The following HYOU1 variants were observed in gnomAD, a reference collection of about 807,000 sequenced individuals.
HYOU1 encodes the protein hypoxia up-regulated 1, also known as hypoxia up-regulated protein 1.
A neutral mutation model predicts 120.5 loss-of-function variants in HYOU1; 40 were observed. The ratio of observed to expected loss-of-function variants is 0.33; its 90% CI spans 0.26 to 0.43. HYOU1 has a LOEUF of 0.43. Ranked by LOEUF, HYOU1 falls within the 20% of genes least tolerant of loss-of-function variation. HYOU1 has a pLI of 1.00. For synonymous variants in HYOU1, 501 were observed against 479.4 expected, an observed-to-expected ratio of 1.05 and a Z score of -0.59; for missense variants, 1,085 against 1,278.3, an observed-to-expected ratio of 0.85 and a Z score of 2.31.
In HYOU1 at chr11:119,052,055, A is replaced by G; in HGVS notation, c.1205+35T>C. On this transcript the variant is annotated intron_variant, in intron 11 of 25. Transcript: ENST00000617285. The surrounding 1 kb of genome is among the most constrained non-coding windows in gnomAD (Gnocchi z 5.0). ...CTCAGCCCAAAGCCCTGCCCCAGGC[A>G]GAACTCAGCCAAGCGCTCTAGCCCC... The G allele has an allele frequency of 6.2e-7, 1 of 1,614,026 alleles. No homozygotes were observed. Among genetic ancestry groups the G allele is most frequent in the Admixed American group, 1.7e-5 (1 of 60,022 alleles).
Position 119,055,638 on chromosome 11 carries a change from C to T in HYOU1, c.186-67G>A, listed in dbSNP as rs1944709585. 2.0e-6 allele frequency: 3 copies of T among 1,504,530 alleles called. No homozygotes were observed. Among genetic ancestry groups the T allele is most frequent in the South Asian group, 1.1e-5 (1 of 88,822 alleles). The allele number at this position is 1,504,530 out of a possible 1,614,324, so 93.2% of individuals were successfully genotyped here. On this transcript the variant is annotated intron_variant, in intron 3 of 25. Coordinates refer to ENST00000617285, the MANE Select transcript of HYOU1 (RefSeq NM_006389.5). The surrounding 1 kb of genome is among the most constrained non-coding windows in gnomAD (Gnocchi z 4.0). ...GGACTCAGAAGCCTCGACACTCACACACATTTAACCACTCAGATGCCGAAG... is the reference window on the plus strand; with the variant it reads ...GGACTCAGAAGCCTCGACACTCACATACATTTAACCACTCAGATGCCGAAG...
At chr11:119,053,074 T>G (rs2098946502) in intron 8 of HYOU1, 2 of 436,982 alleles carry the variant, frequency 4.6e-6, no homozygotes, top group Non-Finnish European at 4.0e-6. Context: ...TGTACTTCCC[T>G]CTGGGAATAC....
At chr11:119,054,357 A>G in intron 7 of HYOU1, 121 bp from the exon 8 acceptor site, 1 of 1,177,266 alleles carries the variant, frequency 8.5e-7, no homozygotes, top group Non-Finnish European at 1.2e-6. Context: ...CAGCTCCAAC[A>G]GGGGCTGGGA....
Position 119,048,227 on chromosome 11 carries a change from A to G in HYOU1, c.2376+21T>C, listed in dbSNP as rs2133561987. 6.2e-7 allele frequency: 1 copy of G among 1,609,578 alleles called. No individual in the cohort carries two copies. The highest frequency in any genetic ancestry group is 8.5e-7 in the Non-Finnish European group (1 of 1,179,048). On this transcript the variant is annotated intron_variant, in intron 20 of 25. Transcript: ENST00000617285. The surrounding 1 kb of genome is among the most constrained non-coding windows in gnomAD (Gnocchi z 4.7). ...AAGGAGAGCTCCCACTCCACCTGCC[A>G]TGTCCTGAGAGGCCCCTCACCACTG...
In HYOU1 at chr11:119,048,559, G is replaced by C; in HGVS notation, c.2170C>G (p.Gln724Glu). Residue 724 changes from glutamine (Q) to glutamate (E), a missense_variant, in exon 19 of 26, where the codon CAG becomes GAG. Physicochemically the swap from Gln to Glu is conservative, Grantham distance 29 (BLOSUM62 2). Transcript: ENST00000617285. The surrounding 1 kb of genome is among the most constrained non-coding windows in gnomAD (Gnocchi z 4.7). ...TCCAGGTCTCGGAGTGTCAAGTCCTGAAGTCTATGGGACAAAGGAGGGGTA... is the reference window on the plus strand; with the variant it reads ...TCCAGGTCTCGGAGTGTCAAGTCCTCAAGTCTATGGGACAAAGGAGGGGTA... ...DKLAQSVQKLQDLTLRDLEKQ... is the reference protein window; with the variant it reads ...DKLAQSVQKLEDLTLRDLEKQ... 1 of 1,613,942 alleles carries C rather than the reference G, an allele frequency of 6.2e-7. No homozygotes were observed. Among genetic ancestry groups the C allele is most frequent in the Non-Finnish European group, 8.5e-7 (1 of 1,179,946 alleles).
rs1334217842 is a variant in HYOU1, at chr11:119,052,426, C to T, written c.991G>A (p.Glu331Lys). ...SANADHMAQI[E>K]GLMDDVDFKA... ...AAGTCCACATCATCCATCAGGCCTT[C>T]AATCTGGGAGAGGATGGGGACTGTC... The change falls in exon 10 of 26, where the codon GAA becomes AAA. Residue 331 changes from glutamate (E) to lysine (K), a missense_variant. Glu to Lys is a moderately conservative substitution (Grantham distance 56). This residue lies in a region of HYOU1 where 515 missense variants were observed against 677.8 expected (regional missense o/e 0.76). Transcript: ENST00000617285. This position sits in a 1 kb window ranked among gnomAD's most constrained non-coding sequence, Gnocchi z 5.0. The T allele has an allele frequency of 6.2e-7, 1 of 1,614,086 alleles. No individual in the cohort carries two copies. Among genetic ancestry groups the T allele is most frequent in the Non-Finnish European group, 8.5e-7 (1 of 1,180,038 alleles).
chr11:119,051,267 A>T lies in HYOU1; in HGVS notation c.1527-94T>A. 6.4e-7 allele frequency: 1 copy of T among 1,555,844 alleles called. No individual in the cohort carries two copies. Among genetic ancestry groups the T allele is most frequent in the Non-Finnish European group, 8.8e-7 (1 of 1,138,782 alleles). On this transcript the variant is annotated intron_variant, in intron 13 of 25. Transcript: ENST00000617285. This position sits in a 1 kb window ranked among gnomAD's most constrained non-coding sequence, Gnocchi z 4.2. The stretch of plus-strand genomic sequence containing the variant: ...CCTCCTGGCACAAGGTGTCAGGGGC[A>T]CTCCCCAAGGGCACACTCAAGAGGA...
In HYOU1 at chr11:119,052,877, C is replaced by T. The variant is rs2133596474; in HGVS notation, c.795-48G>A. ...AAAAAAGTGAAGAACACATGGAGTC[C>T]CCGCATCTGCACAGGAGCCTCTCAT... On this transcript the variant is annotated intron_variant, in intron 8 of 25. Coordinates refer to ENST00000617285, the MANE Select transcript of HYOU1 (RefSeq NM_006389.5). The surrounding 1 kb of genome is among the most constrained non-coding windows in gnomAD (Gnocchi z 5.0). The T allele has an allele frequency of 6.5e-7, 1 of 1,538,224 alleles. No individual in the cohort carries two copies. The highest frequency in any genetic ancestry group is 8.8e-7 in the Non-Finnish European group (1 of 1,131,952).
Position 119,045,377 on chromosome 11 carries a change from GGGA to G in HYOU1, c.*213_*215del, listed in dbSNP as rs764193384. The G allele has an allele frequency of 4.1e-5, 28 of 690,974 alleles. No homozygotes were observed. Among genetic ancestry groups the G allele is most frequent in the South Asian group, 2.3e-4 (15 of 66,274 alleles). 42.8% of individuals were successfully genotyped at this position (690,974 alleles called of 1,614,324 possible). ...GGGTAGGGAACAGGGAGTGGGGCTGGGGAGGAGAACAGTTTCCATTTTTAACCA... is the reference window on the plus strand; with the variant it reads ...GGGTAGGGAACAGGGAGTGGGGCTGGGGAGAACAGTTTCCATTTTTAACCA... On this transcript the variant is annotated 3_prime_UTR_variant, in exon 26 of 26. Coordinates refer to ENST00000617285, the MANE Select transcript of HYOU1 (RefSeq NM_006389.5).
rs2133565409 is a variant in HYOU1 at position 119,048,559 on chromosome 11, G to T, written c.2170C>A (p.Gln724Lys). ...TCCAGGTCTCGGAGTGTCAAGTCCT[G>T]AAGTCTATGGGACAAAGGAGGGGTA... ...DKLAQSVQKL[Q>K]DLTLRDLEKQ... The change falls in exon 19 of 26, where the codon CAG becomes AAG. Residue 724 changes from glutamine to lysine, a missense_variant. By Grantham distance (53) the Gln-to-Lys change is moderately conservative. Around this residue, in one of 4 missense-constraint regions of HYOU1, gnomAD observed 516 missense variants for 517.1 expected, o/e 1.00. Coordinates refer to ENST00000617285, the MANE Select transcript of HYOU1 (RefSeq NM_006389.5). The surrounding 1 kb of genome is among the most constrained non-coding windows in gnomAD (Gnocchi z 4.7). 1 of 1,613,942 alleles carries T rather than the reference G, an allele frequency of 6.2e-7. No homozygotes were observed. The highest frequency in any genetic ancestry group is 8.5e-7 in the Non-Finnish European group (1 of 1,179,946).
At chr11:119,056,704 G>T in intron 1 of HYOU1, 1 of 268,544 alleles carries the variant, frequency 3.7e-6, no homozygotes, top group Admixed American at 4.9e-5. Flanking sequence ...CCCTTTCCCA[G>T]CTCACTCCCC....
In HYOU1 at chr11:119,046,594, C is replaced by T. The variant is rs2133551269; in HGVS notation, c.2804G>A (p.Ser935Asn). Residue 935 changes from serine (S) to asparagine (N), a missense_variant, in exon 23 of 26, where the codon AGT (serine) becomes AAT (asparagine). Ser to Asn is a conservative substitution (Grantham distance 46). Coordinates refer to ENST00000617285, the MANE Select transcript of HYOU1 (RefSeq NM_006389.5). Reference sequence around the variant, plus strand: ...AGGGATGACCTTCTCCCCCTGGTCACTGGCACTGGCATTGAGGGGTGGCTC... The same window carrying T: ...AGGGATGACCTTCTCCCCCTGGTCATTGGCACTGGCATTGAGGGGTGGCTC... ...RAEPPLNASA[S>N]DQGEKVIPPA... is the part of the protein sequence containing the mutation. 1 of 1,613,938 alleles carries T rather than the reference C, an allele frequency of 6.2e-7. No individual in the cohort carries two copies. Among genetic ancestry groups the T allele is most frequent in the East Asian group, 2.2e-5 (1 of 44,882 alleles).
In HYOU1 at chr11:119,054,683, T is replaced by C. The variant is rs2133607183; in HGVS notation, c.497-8A>G. On this transcript the variant is annotated splice_polypyrimidine_tract_variant and splice_region_variant and intron_variant, in intron 6 of 25. Transcript: ENST00000617285. ...CATCCTTGATGGGCTGCTCTACAGA[T>C]GACAACAGAAAAGGGTCCCGCCGGC... 1.9e-6 allele frequency: 3 copies of C among 1,608,874 alleles called. No homozygotes were observed. The highest frequency in any genetic ancestry group is 2.5e-6 in the Non-Finnish European group (3 of 1,178,700).
Position 119,055,659 on chromosome 11 carries a change from CGAAGTCT to C in HYOU1, c.185+84_186-89del. 6.7e-7 allele frequency: 1 copy of C among 1,498,222 alleles called. No individual in the cohort carries two copies. Among genetic ancestry groups the C allele is most frequent in the African/African-American group, 1.4e-5 (1 of 72,626 alleles). The allele number at this position is 1,498,222 out of a possible 1,614,324, so 92.8% of individuals were successfully genotyped here. A position where few individuals can be genotyped will look rare whatever the true frequency, so the allele number is the denominator to read the frequency against. ...CACACACATTTAACCACTCAGATGCCGAAGTCTGCTGTGGGCACTATGACTAACACAT... is the reference window on the plus strand; with the variant it reads ...CACACACATTTAACCACTCAGATGCCGCTGTGGGCACTATGACTAACACAT... On this transcript the variant is annotated intron_variant, in intron 3 of 25. Transcript: ENST00000617285. This position sits in a 1 kb window ranked among gnomAD's most constrained non-coding sequence, Gnocchi z 4.0.
rs1249384150 is a variant in HYOU1, at chr11:119,051,517, T to A, written c.1447A>T (p.Thr483Ser). The change falls in exon 13 of 26, where the codon ACC becomes TCC. Residue 483 changes from threonine (T) to serine (S), a missense_variant. Physicochemically the swap from Thr to Ser is moderately conservative, Grantham distance 58. Coordinates refer to ENST00000617285, the MANE Select transcript of HYOU1 (RefSeq NM_006389.5). This position sits in a 1 kb window ranked among gnomAD's most constrained non-coding sequence, Gnocchi z 4.2. ...AAATCATGGCTGTAGCGGTTAAAGG[T>A]GATGACTTTGCGTTGAGGGTAGGGC... ...MGPYPQRKVI[T>S]FNRYSHDFNF... 3.7e-6 allele frequency: 6 copies of A among 1,613,940 alleles called. No homozygotes were observed. Among genetic ancestry groups the A allele is most frequent in the Non-Finnish European group, 5.1e-6 (6 of 1,179,982 alleles).
chr11:119,051,933 G>T lies in HYOU1; in HGVS notation c.1224C>A (p.Asn408Lys). Residue 408 changes from asparagine (N) to lysine (K), a missense_variant, in exon 12 of 26, where the codon AAC (asparagine) becomes AAA (lysine). By Grantham distance (94) the Asn-to-Lys change is moderately conservative (BLOSUM62 0). This residue lies in a region of HYOU1 where 515 missense variants were observed against 677.8 expected (regional missense o/e 0.76). Transcript: ENST00000617285. The surrounding 1 kb of genome is among the most constrained non-coding windows in gnomAD (Gnocchi z 4.2). ...TGGCGGCTGCTTCATCTGCATTGAT[G>T]TTCTTCCCCAGCTCCTCCCTGGGAA... ...KAVGKEELGKNINADEAAAMG... is the reference protein window; with the variant it reads ...KAVGKEELGKKINADEAAAMG... 1.2e-6 allele frequency: 2 copies of T among 1,614,126 alleles called. No homozygotes were observed. The highest frequency in any genetic ancestry group is 1.7e-6 in the Non-Finnish European group (2 of 1,180,008).
chr11:119,054,723 G>GA, intron 6 of HYOU1, 48 bp from the exon 7 acceptor site: 1 of 1,562,996 alleles, frequency 6.4e-7, no homozygotes, highest in Non-Finnish European at 8.7e-7. Flanking sequence ...TACCTTAGAT[G>GA]AGGGCTTCTA....
In HYOU1 at chr11:119,054,144, T is replaced by A; in HGVS notation, c.771A>T (p.Pro257=). The change falls in exon 8 of 26, where the codon CCA becomes CCT. Residue 257 remains proline, a synonymous_variant. Transcript: ENST00000617285. ...MVKTKEAGMQ[P]QLQIRGVGFD... is the part of the protein sequence containing the mutation. ...ACCCTACTCCCCGGATCTGCAGCTGTGGCTGCATCCCAGCTTCCTTAGTCT... is the reference window on the plus strand; with the variant it reads ...ACCCTACTCCCCGGATCTGCAGCTGAGGCTGCATCCCAGCTTCCTTAGTCT... 1 of 1,611,890 alleles carries A rather than the reference T, an allele frequency of 6.2e-7. No individual in the cohort carries two copies. The highest frequency in any genetic ancestry group is 8.5e-7 in the Non-Finnish European group (1 of 1,177,926).
intron 7 of HYOU1, 84 bp downstream of exon 7, chr11:119,054,410 C>A: frequency 6.9e-7 from 1 of 1,446,612 alleles, no homozygotes; most frequent in Non-Finnish European, 9.6e-7. Flanking sequence ...CCCAGCCATG[C>A]AAACCAGATG....
Sources: allele counts gnomAD v4.1 joint callset, GRCh38; gene constraint gnomAD v4.1.1; regional missense constraint gnomAD v4.1.1; non-coding constraint Gnocchi (gnomAD v3.1); transcripts MANE v1.5; gene names NCBI Gene and HGNC (gene_info 2026-07-23, HGNC 2026-07-21).